RAD51B: variants seen among roughly 807,000 people sequenced by gnomAD.
The protein encoded by RAD51B is DNA repair protein RAD51 homolog 2.
Under a neutral mutation model 42.2 loss-of-function variants are expected in RAD51B, and 38 were observed. That is an observed-to-expected ratio of 0.90 (90% confidence interval 0.70 to 1.18). The LOEUF is 1.18. RAD51B is among the 50% of genes most tolerant of loss of function. The pLI is 0.00. For synonymous variants in RAD51B, 154 were observed against 145.2 expected (o/e 1.06, Z -0.43); for missense variants, 373 against 400.7 (o/e 0.93, Z 0.59).
Position 68,621,615 on chromosome 14 carries a change from GC to G in RAD51B, c.1037-29161del, listed in dbSNP as rs551102694. 1.1e-3 allele frequency among the ~76,000 whole-genome samples: 170 copies of G among 152,306 alleles called. 8 individuals are homozygous for G. The South Asian group carries it at 0.034, about 31-fold the overall frequency. On this transcript the variant is annotated intron_variant, in intron 10 of 11. Coordinates refer to the RAD51B transcript ENST00000488612. ...AGCTAAGCTGGACTTCTCCTTACTG[GC>G]CCCCAGGGTCTGGGCTAAGGCCACA...
chr14:68,222,721 C>T (rs1409453285), intron 7 of RAD51B, among the ~76,000 whole-genome samples: 1 of 152,128 alleles, frequency 6.6e-6, no homozygotes, highest in Non-Finnish European at 1.5e-5. Flanking sequence ...TTCAAATACC[C>T]ATAGGAGAAG....
intron 10 of RAD51B, among the ~76,000 whole-genome samples, chr14:68,503,322 G>T (rs1193187280): frequency 6.6e-6 from 1 of 152,148 alleles, no homozygotes; most frequent in Admixed American, 6.5e-5. Context: ...CAGAAGCACT[G>T]GTTTAACCGG....
At chr14:67,877,963 C>T (rs1208161951) in intron 5 of RAD51B, among the ~76,000 whole-genome samples, 3 of 152,174 alleles carry the variant, frequency 2.0e-5, no homozygotes, top group African/African-American at 4.8e-5. Flanking sequence ...CCATGCCTGG[C>T]CAGAAATTTG....
intron 7 of RAD51B, among the ~76,000 whole-genome samples, chr14:68,161,285 G>A (rs1229341675): frequency 6.6e-6 from 1 of 152,088 alleles, no homozygotes; most frequent in Non-Finnish European, 1.5e-5. Flanking sequence ...TTTTCTACTG[G>A]GTTGGCTTTA....
intron 7 of RAD51B, among the ~76,000 whole-genome samples, chr14:67,949,913 T>A (rs1458566976): frequency 6.6e-6 from 1 of 152,172 alleles, no homozygotes; most frequent in Non-Finnish European, 1.5e-5. Context: ...TTGAAAAGAA[T>A]CTTTTCTTCT....
chr14:68,116,382 T>G (rs555440905), intron 7 of RAD51B, among the ~76,000 whole-genome samples: 1 of 151,430 alleles, frequency 6.6e-6, no homozygotes, highest in East Asian at 1.9e-4. Flanking sequence ...GTTTTCAAGT[T>G]GGTAATGGTT....
At chr14:68,539,248 G>T (rs1887818815) in intron 10 of RAD51B, among the ~76,000 whole-genome samples, 1 of 152,156 alleles carries the variant, frequency 6.6e-6, no homozygotes, top group Non-Finnish European at 1.5e-5. Flanking sequence ...CAGTGAGGGA[G>T]GGAGATTTTT....
At chr14:68,312,524 C>CT (rs1041537438) in intron 8 of RAD51B, among the ~76,000 whole-genome samples, 4 of 152,100 alleles carry the variant, frequency 2.6e-5, no homozygotes, top group Admixed American at 6.6e-5. Context: ...TATAACCTCC[C>CT]TTTTTTTCCC....
chr14:67,863,610 T>G (rs2042231268), intron 4 of RAD51B, among the ~76,000 whole-genome samples: 1 of 152,028 alleles, frequency 6.6e-6, no homozygotes, highest in Non-Finnish European at 1.5e-5. Context: ...TCTCTTAGAT[T>G]TTTTTTTCTT....
intron 10 of RAD51B, among the ~76,000 whole-genome samples, chr14:68,575,833 A>T (rs971707414): frequency 6.6e-6 from 1 of 152,242 alleles, no homozygotes; most frequent in Non-Finnish European, 1.5e-5. Context: ...TTTGAAATAC[A>T]TATAGAAAGA....
intron 8 of RAD51B, among the ~76,000 whole-genome samples, chr14:68,337,814 C>T (rs1042591613): frequency 3.3e-5 from 5 of 152,152 alleles, no homozygotes; most frequent in Non-Finnish European, 7.4e-5. Flanking sequence ...CTCTGTCCCC[C>T]AGGCTGGAGT....
chr14:68,541,494 C>G, intron 10 of RAD51B: 1 of 985,356 alleles, frequency 1.0e-6, no homozygotes, highest in Non-Finnish European at 1.2e-6. Flanking sequence ...TGGAAGGAGC[C>G]CTCGTGATTG....
At chr14:68,204,761 T>C (rs958727074) in intron 7 of RAD51B, among the ~76,000 whole-genome samples, 13 of 152,242 alleles carry the variant, frequency 8.5e-5, no homozygotes, top group Non-Finnish European at 1.3e-4. Context: ...CAAGTATGTA[T>C]CTACAAATTA....
At chr14:68,110,035 G>T (rs2077436468) in intron 7 of RAD51B, among the ~76,000 whole-genome samples, 1 of 151,968 alleles carries the variant, frequency 6.6e-6, no homozygotes, top group South Asian at 2.1e-4. Flanking sequence ...CAATAGATTG[G>T]AGACTCTAGG....
At chr14:68,176,001 A>T (rs1302121701) in intron 7 of RAD51B, among the ~76,000 whole-genome samples, 3 of 152,172 alleles carry the variant, frequency 2.0e-5, no homozygotes, top group Admixed American at 6.5e-5. Context: ...ACAGTAAGTG[A>T]TAGAAACCTG....
At chr14:68,621,927 C>A (rs975954399) in intron 10 of RAD51B, among the ~76,000 whole-genome samples, 1 of 152,214 alleles carries the variant, frequency 6.6e-6, no homozygotes, top group Non-Finnish European at 1.5e-5. Flanking sequence ...ACGCCACTCC[C>A]CTTTCCCATG....
chr14:68,419,096 G>GT (rs2084632865), intron 9 of RAD51B, among the ~76,000 whole-genome samples: 1 of 152,178 alleles, frequency 6.6e-6, no homozygotes, highest in Admixed American at 6.5e-5. Context: ...AGGATCTGCA[G>GT]TTTTTAGCAA....
intron 7 of RAD51B, among the ~76,000 whole-genome samples, chr14:68,237,610 A>C (rs2080286757): frequency 6.6e-6 from 1 of 151,962 alleles, no homozygotes; most frequent in South Asian, 2.1e-4. Context: ...TCCCAGCCCT[A>C]GGCAAACACT....
At chr14:67,965,671 CAT>C (rs992014611) in intron 7 of RAD51B, among the ~76,000 whole-genome samples, 3 of 152,100 alleles carry the variant, frequency 2.0e-5, no homozygotes, top group African/African-American at 7.2e-5. Flanking sequence ...CGCACACACA[CAT>C]GTACATTTAC....
Sources: gnomAD v4.1 joint callset for allele counts (sites outside exome capture counted in the v4.1 genomes callset) on GRCh38, gnomAD v4.1.1 for gene constraint, MANE v1.5 for transcripts, NCBI Gene and HGNC (gene_info 2026-07-23, HGNC 2026-07-21) for gene names.